TTC27: variants seen among roughly 807,000 people sequenced by gnomAD.
TTC27 encodes the protein tetratricopeptide repeat protein 27.
A neutral mutation model predicts 115.9 loss-of-function variants in TTC27; 79 were observed. The observed-to-expected ratio is 0.68, with a 90% CI of 0.57 to 0.82. The LOEUF is 0.82. Among genes scored for constraint, TTC27 ranks in the 40% least tolerant of loss-of-function variants. The probability of loss-of-function intolerance (pLI) is 0.00; values close to 1 mark genes in which losing one functional copy is unlikely to be tolerated. For synonymous variants in TTC27, 401 were observed against 356.0 expected, an observed-to-expected ratio of 1.13 and a Z score of -1.42; for missense variants, 1,054 against 993.1, an observed-to-expected ratio of 1.06 and a Z score of -0.82.
At chr2:32,684,852 A>G (rs1338903899) in intron 9 of TTC27, among the ~76,000 whole-genome samples, 1 of 151,802 alleles carries the variant, frequency 6.6e-6, no homozygotes, top group Non-Finnish European at 1.5e-5. Flanking sequence ...AAAACGAACA[A>G]AACTGTACTT....
At chr2:32,787,566 A>G (rs892429981) in intron 16 of TTC27, among the ~76,000 whole-genome samples, 1 of 152,206 alleles carries the variant, frequency 6.6e-6, no homozygotes, top group Non-Finnish European at 1.5e-5. Flanking sequence ...TGAACAATAT[A>G]TAGAGGATGG....
At chr2:32,713,923 C>G (rs1667667767) in intron 10 of TTC27, among the ~76,000 whole-genome samples, 1 of 152,138 alleles carries the variant, frequency 6.6e-6, no homozygotes, top group Non-Finnish European at 1.5e-5. Flanking sequence ...TCCTTCCGCT[C>G]TCCACCCTCA....
intron 3 of TTC27, among the ~76,000 whole-genome samples, chr2:32,637,450 G>A (rs1347483073): frequency 6.6e-6 from 1 of 151,928 alleles, no homozygotes; most frequent in Admixed American, 6.6e-5. Flanking sequence ...TCCTGCCTCA[G>A]CCTCCTGAGT....
At chr2:32,781,670 TCCTGG>T (rs1256398033) in intron 14 of TTC27, among the ~76,000 whole-genome samples, 1 of 152,114 alleles carries the variant, frequency 6.6e-6, no homozygotes, top group East Asian at 1.9e-4. Context: ...AGTCTCAAAC[TCCTGG>T]CCTCAAGTGA....
At chr2:32,628,488 G>A (rs965492001) in intron 1 of TTC27, 108 bp downstream of exon 1, 6 of 1,134,404 alleles carry the variant, frequency 5.3e-6, no homozygotes, top group Non-Finnish European at 7.2e-6. Flanking sequence ...ACACAGTCTA[G>A]CTGATTCCTT....
intron 10 of TTC27, among the ~76,000 whole-genome samples, chr2:32,708,012 A>G (rs72860839): frequency 0.13 from 20,236 of 152,078 alleles, 1,807 homozygotes; most frequent in Middle Eastern, 0.28. Context: ...TAGCTAATCT[A>G]AAGAGAACCC....
chr2:32,820,292 T>A (rs1470155964), intron 19 of TTC27, among the ~76,000 whole-genome samples: 1 of 152,202 alleles, frequency 6.6e-6, no homozygotes, highest in Non-Finnish European at 1.5e-5. Context: ...TTGAAATATG[T>A]TGCAATAAAC....
chr2:32,668,041 A>T (rs1665856547), intron 7 of TTC27, among the ~76,000 whole-genome samples: 1 of 151,736 alleles, frequency 6.6e-6, no homozygotes, highest in African/African-American at 2.4e-5. Context: ...AAAAAAAAAA[A>T]TTAACCGGGC....
In TTC27 at chr2:32,793,832, G is replaced by GT. The variant is rs113764474; in HGVS notation, c.1998+6691dup. 6.8e-3 allele frequency among the ~76,000 whole-genome samples: 1,026 copies of GT among 151,952 alleles called. 7 individuals carry two copies. The highest frequency in any genetic ancestry group is 0.022 in the African/African-American group (919 of 41,454). On this transcript the variant is annotated intron_variant, in intron 16 of 19. Coordinates refer to ENST00000317907, the MANE Select transcript of TTC27 (RefSeq NM_017735.5). ...GCCACCATACCCGGCCTGTTACAATGTTTTTTTTAACTGTACTCTTTGTTT... is the reference window on the plus strand; with the variant it reads ...GCCACCATACCCGGCCTGTTACAATGTTTTTTTTTAACTGTACTCTTTGTTT...
intron 8 of TTC27, among the ~76,000 whole-genome samples, chr2:32,675,749 G>T (rs569134829): frequency 3.7e-4 from 56 of 152,014 alleles, no homozygotes; most frequent in African/African-American, 1.3e-3. Context: ...TGTTAGGCTG[G>T]GTTGGTTTGG....
At chr2:32,663,636 TTATGTATG>T (rs70938357) in intron 5 of TTC27, among the ~76,000 whole-genome samples, 34,314 of 146,326 alleles carry the variant, frequency 0.23, 4,291 homozygotes, top group East Asian at 0.4. Flanking sequence ...CACCCCCTAT[TTATGTATG>T]TATGTATGTA....
intron 6 of TTC27, among the ~76,000 whole-genome samples, chr2:32,665,025 T>A (rs1665718145): frequency 6.6e-6 from 1 of 151,856 alleles, no homozygotes; most frequent in Admixed American, 6.6e-5. Context: ...TTTTGTATTT[T>A]TAGTAGGGAT....
At chr2:32,779,725 C>G (rs1056523273) in intron 14 of TTC27, among the ~76,000 whole-genome samples, 1 of 152,024 alleles carries the variant, frequency 6.6e-6, no homozygotes, top group Non-Finnish European at 1.5e-5. Flanking sequence ...ATTGCCAAAT[C>G]CAAAGTCACA....
intron 13 of TTC27, among the ~76,000 whole-genome samples, chr2:32,762,696 C>T (rs568514181): frequency 5.9e-5 from 9 of 151,968 alleles, no homozygotes; most frequent in African/African-American, 1.7e-4. Flanking sequence ...TGCAGTGGCG[C>T]GATCTCAGCT....
chr2:32,780,805 T>C (rs563392548), intron 14 of TTC27, among the ~76,000 whole-genome samples: 196 of 152,054 alleles, frequency 1.3e-3, no homozygotes, highest in African/African-American at 4.5e-3. Flanking sequence ...ATATATTAAT[T>C]ATATCTTGCA....
At chr2:32,809,258 T>G (rs1040984605) in intron 16 of TTC27, among the ~76,000 whole-genome samples, 3 of 152,248 alleles carry the variant, frequency 2.0e-5, no homozygotes, top group Admixed American at 2.0e-4. Context: ...CAGCTACGCT[T>G]TCTGAAAGAG....
At chr2:32,714,819 A>G (rs929071416) in intron 10 of TTC27, among the ~76,000 whole-genome samples, 13 of 152,082 alleles carry the variant, frequency 8.5e-5, no homozygotes, top group African/African-American at 2.4e-4. Context: ...GTTTTGATTT[A>G]TATTTCTCCA....
intron 10 of TTC27, among the ~76,000 whole-genome samples, chr2:32,727,092 G>C (rs964986233): frequency 4.6e-5 from 7 of 152,180 alleles, no homozygotes; most frequent in African/African-American, 1.4e-4. Context: ...TGGGGATGCA[G>C]CCAAACCATA....
At chr2:32,637,129 G>T (rs1664457706) in intron 3 of TTC27, among the ~76,000 whole-genome samples, 1 of 152,182 alleles carries the variant, frequency 6.6e-6, no homozygotes, top group South Asian at 2.1e-4. Context: ...TCACAACCTA[G>T]CTTGAGTGTC....
Sources: gnomAD v4.1 joint callset for allele counts (sites outside exome capture counted in the v4.1 genomes callset) on GRCh38, gnomAD v4.1.1 for gene constraint, MANE v1.5 for transcripts, NCBI Gene and HGNC (gene_info 2026-07-23, HGNC 2026-07-21) for gene names.